PRR16: variants seen among roughly 807,000 people sequenced by gnomAD.
PRR16 encodes the protein protein Largen.
PRR16 carries 6 observed loss-of-function variants against 18.2 expected under a neutral mutation model. That is an observed-to-expected ratio of 0.33 (90% CI 0.18 to 0.65). The LOEUF is 0.65. Among genes scored for constraint, PRR16 ranks in the 30% least tolerant of loss-of-function variants. The probability of loss-of-function intolerance (pLI) is 0.74; values close to 1 mark genes in which losing one functional copy is unlikely to be tolerated. For synonymous variants in PRR16, 151 were observed against 147.8 expected, an observed-to-expected ratio of 1.02 and a Z score of -0.16; for missense variants, 412 against 376.6, an observed-to-expected ratio of 1.09 and a Z score of -0.78.
the PRR16 span, among the ~76,000 whole-genome samples, chr5:120,785,223 C>T: frequency 6.6e-6 from 1 of 152,198 alleles, no homozygotes; most frequent in South Asian, 2.1e-4. Flanking sequence ...GGGCTACAAC[C>T]TTTTTCTAAC....
intron 1 of PRR16, among the ~76,000 whole-genome samples, chr5:120,631,881 G>A (rs1755065658): frequency 6.6e-6 from 1 of 152,132 alleles, no homozygotes; most frequent in Non-Finnish European, 1.5e-5. Context: ...TAGGACCTCA[G>A]CTGATGCACT....
chr5:120,500,593 C>G (rs939550225), intron 1 of PRR16, among the ~76,000 whole-genome samples: 1 of 152,180 alleles, frequency 6.6e-6, no homozygotes, highest in Non-Finnish European at 1.5e-5. Context: ...AATTTTATGT[C>G]ATGAATCTCA....
intron 1 of PRR16, among the ~76,000 whole-genome samples, chr5:120,605,076 C>T (rs745924918): frequency 2.0e-5 from 3 of 152,084 alleles, no homozygotes; most frequent in Non-Finnish European, 2.9e-5. Context: ...TGAATTTGCA[C>T]GTCAGCCTGT....
the PRR16 span, among the ~76,000 whole-genome samples, chr5:120,720,026 C>T: frequency 6.6e-6 from 1 of 151,990 alleles, no homozygotes; most frequent in Non-Finnish European, 1.5e-5. Context: ...AAGGTTTTAT[C>T]AGTTACTTAG....
chr5:120,557,760 C>G (rs76818700), intron 1 of PRR16, among the ~76,000 whole-genome samples: 1,584 of 151,864 alleles, frequency 0.01, 32 homozygotes, highest in African/African-American at 0.037. Context: ...GCAATATGAA[C>G]CATATCTGAT....
intron 1 of PRR16, among the ~76,000 whole-genome samples, chr5:120,532,229 A>G (rs1751574648): frequency 6.6e-6 from 1 of 152,182 alleles, no homozygotes; most frequent in South Asian, 2.1e-4. Flanking sequence ...CATTTTAGGT[A>G]AAGATATTAT....
the PRR16 span, among the ~76,000 whole-genome samples, chr5:120,729,597 A>G: frequency 2.0e-5 from 3 of 152,150 alleles, no homozygotes; most frequent in African/African-American, 7.2e-5. Flanking sequence ...TATAAGCTCC[A>G]TAAAAGCAAG....
the PRR16 span, among the ~76,000 whole-genome samples, chr5:120,726,747 T>C: frequency 2.0e-5 from 3 of 152,048 alleles, no homozygotes; most frequent in African/African-American, 7.2e-5. Flanking sequence ...CTCTTCTGAC[T>C]GACATGTCCA....
chr5:120,775,656 G>A, the PRR16 span, among the ~76,000 whole-genome samples: 9 of 136,404 alleles, frequency 6.6e-5, no homozygotes, highest in African/African-American at 8.2e-5. Flanking sequence ...TTTAGATGGA[G>A]TTTCACTCTT....
In PRR16 at chr5:120,464,475, TG is replaced by T. The variant is rs752879571; in HGVS notation, c.-11del. 2.5e-6 allele frequency: 4 copies of T among 1,582,062 alleles called. No individual in the cohort carries two copies. Among genetic ancestry groups the T allele is most frequent in the Non-Finnish European group, 3.4e-6 (4 of 1,172,282 alleles). ...CCCGCCTGTCCTGACCTGCCTCGCT[TG>T]CCCCCAAAGAATGTCAGCCAAGTCC... On this transcript the variant is annotated 5_prime_UTR_variant, in exon 1 of 2. Transcript: ENST00000407149.
chr5:120,477,639 A>C (rs1433140706), intron 1 of PRR16, among the ~76,000 whole-genome samples: 3 of 152,128 alleles, frequency 2.0e-5, no homozygotes, highest in African/African-American at 7.2e-5. Context: ...GTTAGACCAC[A>C]TTACTCTTTT....
chr5:120,464,573 G>C lies in PRR16; in HGVS notation c.87G>C (p.Gln29His). ...CCTCCAAAACCAAGGTGAAGGAACAGATCAAGATCATCGTGGAGGATTTGG... is the reference window on the plus strand; with the variant it reads ...CCTCCAAAACCAAGGTGAAGGAACACATCAAGATCATCGTGGAGGATTTGG... ...PAASKTKVKE[Q>H]IKIIVEDLEL... is the part of the protein sequence containing the mutation. The change falls in exon 1 of 2, where the codon CAG becomes CAC. Residue 29 changes from glutamine to histidine, a missense_variant. Coordinates refer to ENST00000407149, the MANE Select transcript of PRR16 (RefSeq NM_001300783.2). 6.3e-7 allele frequency: 1 copy of C among 1,588,376 alleles called. No individual in the cohort carries two copies. The highest frequency in any genetic ancestry group is 8.5e-7 in the Non-Finnish European group (1 of 1,175,380).
At chr5:120,707,849 G>T in the PRR16 span, among the ~76,000 whole-genome samples, 3 of 152,078 alleles carry the variant, frequency 2.0e-5, no homozygotes, top group African/African-American at 7.2e-5. Flanking sequence ...GGCTCTTAAG[G>T]GGCAATTCTC....
chr5:120,735,237 C>T, the PRR16 span, among the ~76,000 whole-genome samples: 1 of 152,022 alleles, frequency 6.6e-6, no homozygotes, highest in Non-Finnish European at 1.5e-5. Flanking sequence ...ATGTATATAC[C>T]AGAGTTTGCT....
the PRR16 span, among the ~76,000 whole-genome samples, chr5:120,729,238 A>T: frequency 1.3e-5 from 2 of 152,274 alleles, no homozygotes; most frequent in Admixed American, 1.3e-4. Context: ...AGCCAGTAGT[A>T]TCATAAACAT....
chr5:120,489,404 T>C lies in PRR16; in HGVS notation c.159+24759T>C, dbSNP rs1749939420. ...TTGAATTGATCCCTTTACCATTATG[T>C]AATGGCCTTCTTTGTCTCTTTTGAT... On this transcript the variant is annotated intron_variant, in intron 1 of 1. Transcript: ENST00000407149. Among the ~76,000 whole-genome samples the C allele has an allele frequency of 7.2e-5, 11 of 152,210 alleles. 1 individual carries two copies.
At chr5:120,608,790 C>G (rs903855945) in intron 1 of PRR16, among the ~76,000 whole-genome samples, 1 of 152,092 alleles carries the variant, frequency 6.6e-6, no homozygotes, top group African/African-American at 2.4e-5. Flanking sequence ...CTGCCATGAT[C>G]CAGGTTCTAT....
At chr5:120,703,713 T>C in the PRR16 span, among the ~76,000 whole-genome samples, 1 of 152,320 alleles carries the variant, frequency 6.6e-6, no homozygotes, top group Admixed American at 6.5e-5. Flanking sequence ...TTTGAAAATA[T>C]TATTTTTATG....
chr5:120,759,528 A>T, the PRR16 span, among the ~76,000 whole-genome samples: 6,832 of 152,186 alleles, frequency 0.045, 532 homozygotes, highest in African/African-American at 0.15. Context: ...AGGAGGAGGC[A>T]TAGAGGGTTG....
Sources: gnomAD v4.1 joint callset for allele counts (sites outside exome capture counted in the v4.1 genomes callset) on GRCh38, gnomAD v4.1.1 for gene constraint, MANE v1.5 for transcripts, NCBI Gene and HGNC (gene_info 2026-07-23, HGNC 2026-07-21) for gene names.